Variants in BRDT observed in about 807,000 individuals in gnomAD.
BRDT encodes bromodomain testis associated, also known as bromodomain testis-specific protein.
Under a neutral mutation model 113.9 loss-of-function variants are expected in BRDT, and 77 were observed. That is an observed-to-expected ratio of 0.68 (90% CI 0.56 to 0.82). BRDT has a LOEUF of 0.82. Ranked by LOEUF, BRDT falls within the 40% of genes least tolerant of loss-of-function variation. BRDT has a pLI of 0.00. For synonymous variants in BRDT, 358 were observed against 366.5 expected (o/e 0.98, Z 0.26); for missense variants, 1,027 against 1,105.4 (o/e 0.93, Z 1.01).
chr1:91,992,650 CT>C (rs1292812104), intron 14 of BRDT, among the ~76,000 whole-genome samples: 2 of 152,248 alleles, frequency 1.3e-5, no homozygotes, highest in Non-Finnish European at 1.5e-5. Context: ...ATTCTCATGC[CT>C]CAGTCTCCGG....
chr1:91,992,235 A>T, intron 13 of BRDT, 29 bp from the exon 14 acceptor site: 1 of 1,202,892 alleles, frequency 8.3e-7, no homozygotes, highest in Non-Finnish European at 1.1e-6. Flanking sequence ...TAATATGATT[A>T]ATGCTATAAT....
At chr1:91,993,445 A>G (rs1036574177) in intron 14 of BRDT, among the ~76,000 whole-genome samples, 11 of 152,198 alleles carry the variant, frequency 7.2e-5, no homozygotes, top group Non-Finnish European at 1.5e-4. Context: ...AGAGATAAAA[A>G]TTATACCTAA....
intron 4 of BRDT, among the ~76,000 whole-genome samples, chr1:91,975,221 G>A (rs904985455): frequency 1.3e-5 from 2 of 151,894 alleles, no homozygotes; most frequent in African/African-American, 4.8e-5. Flanking sequence ...CATGGCACAT[G>A]TATACATATG....
chr1:91,955,999 C>T (rs114657322), intron 1 of BRDT, among the ~76,000 whole-genome samples: 2,933 of 152,292 alleles, frequency 0.019, 41 homozygotes, highest in Non-Finnish European at 0.031. Context: ...AAAACTATAT[C>T]AGCAATTGTC....
rs1683306591 is a variant in BRDT at position 91,968,603 on chromosome 1, C to G, written c.445+343C>G. On this transcript the variant is annotated intron_variant, in intron 4 of 18. Transcript: ENST00000399546. ...TAAGAATGCCCAAATTGCTAGTGCT[C>G]TCTGTATTAAAAAAAAATTTCCATA... 2.0e-5 allele frequency among the ~76,000 whole-genome samples: 3 copies of G among 151,990 alleles called. No individual in the cohort carries two copies. The South Asian group carries it at 6.2e-4, about 32-fold the overall frequency.
chr1:91,985,010 A>G (rs894384368), intron 12 of BRDT, among the ~76,000 whole-genome samples: 6 of 152,190 alleles, frequency 3.9e-5, no homozygotes, highest in African/African-American at 7.2e-5. Flanking sequence ...GTTGGATATC[A>G]TGATTCCAGA....
Position 91,981,144 on chromosome 1 carries a change from G to T in BRDT, c.1716G>T (p.Ser572=), listed in dbSNP as rs745864820. The T allele has an allele frequency of 6.2e-7, 1 of 1,612,464 alleles. No individual in the cohort carries two copies. The change falls in exon 10 of 19, where the codon TCG becomes TCT. Residue 572 remains serine (S), a synonymous_variant. Coordinates refer to ENST00000399546, the MANE Select transcript of BRDT (RefSeq NM_207189.4). Reference sequence around the variant, plus strand: ...TAAGAGAATTAGAAAAATATGTTTCGGCATGTCTAAGAAAGAGACCATTAA... The same window carrying T: ...TAAGAGAATTAGAAAAATATGTTTCTGCATGTCTAAGAAAGAGACCATTAA... The part of the protein sequence containing the change: ...STLRELEKYV[S]ACLRKRPLKP...
At chr1:91,982,523 G>T (rs1019631825) in intron 12 of BRDT, among the ~76,000 whole-genome samples, 2 of 152,080 alleles carry the variant, frequency 1.3e-5, no homozygotes, top group Admixed American at 1.3e-4. Flanking sequence ...CCTAAATTTT[G>T]CTTTATTTTA....
chr1:91,962,851 C>A lies in BRDT; in HGVS notation c.97C>A (p.Gln33Lys), dbSNP rs376824899. 2 of 1,612,804 alleles carry A rather than the reference C, an allele frequency of 1.2e-6. No individual in the cohort carries two copies. Among genetic ancestry groups the A allele is most frequent in the African/African-American group, 1.3e-5 (1 of 74,848 alleles). ...KKNGRLTNQL[Q>K]YLQKVVLKDL... ...AAATGGGCGATTGACAAATCAACTT[C>A]AGTATCTACAAAAAGTTGTCCTAAA... Residue 33 changes from glutamine (Q) to lysine (K), a missense_variant, in exon 2 of 19, where the codon CAG becomes AAG. Physicochemically the swap from Gln to Lys is moderately conservative, Grantham distance 53. Transcript: ENST00000399546.
rs1686256053 is a variant in BRDT, at chr1:91,995,658, A to G, written c.2287+1404A>G. 2.2e-5 allele frequency among the ~76,000 whole-genome samples: 3 copies of G among 136,830 alleles called. No homozygotes were observed. In the South Asian group the frequency reaches 6.8e-4, roughly 31 times the overall value. 89.8% of individuals were successfully genotyped at this position (136,830 alleles called of 152,430 possible). Reference sequence around the variant, plus strand: ...TTTTGTAGTTTTTTTTTTTTTTGAGACAGAGTTTCATTCTTGTTGCCCAGG... The same window carrying G: ...TTTTGTAGTTTTTTTTTTTTTTGAGGCAGAGTTTCATTCTTGTTGCCCAGG... On this transcript the variant is annotated intron_variant, in intron 15 of 18. Transcript: ENST00000399546.
chr1:91,985,805 A>AT (rs1685176117), intron 12 of BRDT, among the ~76,000 whole-genome samples: 1 of 151,418 alleles, frequency 6.6e-6, no homozygotes, highest in South Asian at 2.1e-4. Flanking sequence ...CGCCCGGCTA[A>AT]TTTTTTCTAT....
intron 1 of BRDT, among the ~76,000 whole-genome samples, chr1:91,955,895 C>G (rs756277125): frequency 6.6e-4 from 101 of 152,160 alleles, no homozygotes; most frequent in Non-Finnish European, 1.2e-3. Flanking sequence ...ATGTTTGGTG[C>G]ATTCATGTTC....
intron 12 of BRDT, among the ~76,000 whole-genome samples, chr1:91,982,593 TTG>T (rs1383959380): frequency 7.2e-5 from 11 of 152,212 alleles, no homozygotes; most frequent in African/African-American, 2.7e-4. Context: ...ACACAGAATA[TTG>T]TGACATCAGG....
chr1:91,992,725 G>A (rs1685914188), intron 14 of BRDT, among the ~76,000 whole-genome samples: 1 of 151,982 alleles, frequency 6.6e-6, no homozygotes, highest in Non-Finnish European at 1.5e-5. Context: ...TAGTAGAAAC[G>A]GGGTTTCACC....
In BRDT at chr1:91,962,242, AATTTGT is replaced by A. The variant is rs1303539639; in HGVS notation, c.-37-469_-37-464del. ...AAACTTTTACTATTTGTATATAAAA[AATTTGT>A]ATTTGTTTAAAAATTGATTCCTTTG... On this transcript the variant is annotated intron_variant, in intron 1 of 18. Coordinates refer to ENST00000399546, the MANE Select transcript of BRDT (RefSeq NM_207189.4). Among the ~76,000 whole-genome samples the A allele has an allele frequency of 3.6e-4, 52 of 142,680 alleles. 3 individuals carry two copies. The highest frequency in any genetic ancestry group is 1.2e-3 in the African/African-American group (45 of 38,152). The allele number at this position is 142,680 out of a possible 152,430, so 93.6% of individuals were successfully genotyped here.
intron 1 of BRDT, among the ~76,000 whole-genome samples, chr1:91,961,705 C>A (rs759379280): frequency 3.3e-5 from 5 of 152,256 alleles, no homozygotes; most frequent in Middle Eastern, 3.4e-3. Context: ...GCTTTTCTCT[C>A]TTCATTGAAT....
rs148194798 is a variant in BRDT, at chr1:91,997,530, C to T, written c.2287+3276C>T. ...TATAAGAATGCTAGGGTAGCCTTGCCCTTGAAAAGGAATAGATTATGAAAA... is the reference window on the plus strand; with the variant it reads ...TATAAGAATGCTAGGGTAGCCTTGCTCTTGAAAAGGAATAGATTATGAAAA... On this transcript the variant is annotated intron_variant, in intron 15 of 18. Transcript: ENST00000399546. 4.8e-3 allele frequency among the ~76,000 whole-genome samples: 722 copies of T among 151,966 alleles called. 3 individuals carry two copies. The highest frequency in any genetic ancestry group is 0.017 in the African/African-American group (687 of 41,432).
intron 17 of BRDT, 77 bp downstream of exon 17, chr1:92,004,696 T>G: frequency 7.8e-7 from 1 of 1,282,522 alleles, no homozygotes; most frequent in East Asian, 2.5e-5. Context: ...TCTTATTTGT[T>G]AAGTGACTAT....
In BRDT at chr1:91,949,455, A is replaced by AT; in HGVS notation, c.-261dup. On this transcript the variant is annotated 5_prime_UTR_variant, in exon 1 of 19. Transcript: ENST00000399546. ...GAGAACTGTTGCCCTGCACCGCTTC[A>AT]TTTTGTGCAGCCTGAAAGGGGCAAT... 6.6e-6 allele frequency: 1 copy of AT among 152,358 alleles called. No individual in the cohort carries two copies. The highest frequency in any genetic ancestry group is 1.9e-4 in the East Asian group (1 of 5,180). 9.4% of individuals were successfully genotyped at this position (152,358 alleles called of 1,614,324 possible). A position where few individuals can be genotyped will look rare whatever the true frequency, so the allele number is the denominator to read the frequency against.
Sources: gnomAD v4.1 joint callset for allele counts (sites outside exome capture counted in the v4.1 genomes callset) on GRCh38, gnomAD v4.1.1 for gene constraint, MANE v1.5 for transcripts, NCBI Gene and HGNC (gene_info 2026-07-23, HGNC 2026-07-21) for gene names.